Variants in TTLL8 observed in about 807,000 individuals in gnomAD.
The protein encoded by TTLL8 is protein monoglycylase TTLL8.
Under a neutral mutation model 77.8 loss-of-function variants are expected in TTLL8, and 65 were observed. The ratio of observed to expected loss-of-function variants is 0.84; its 90% confidence interval spans 0.68 to 1.03. The LOEUF is 1.03. Among genes scored for constraint, TTLL8 ranks in the 50% least tolerant of loss-of-function variants. The probability of loss-of-function intolerance (pLI) is 0.00; values close to 1 mark genes in which losing one functional copy is unlikely to be tolerated. For synonymous variants in TTLL8, 402 were observed against 422.8 expected, an observed-to-expected ratio of 0.95 and a Z score of 0.60; for missense variants, 910 against 1,004.5, an observed-to-expected ratio of 0.91 and a Z score of 1.27.
At chr22:50,036,906 G>T (rs541781502) in intron 8 of TTLL8, among the ~76,000 whole-genome samples, 1 of 151,748 alleles carries the variant, frequency 6.6e-6, no homozygotes, top group Non-Finnish European at 1.5e-5. Context: ...CCAGTGTCTG[G>T]CTTCCTTCGA....
intron 1 of TTLL8, among the ~76,000 whole-genome samples, chr22:50,053,504 C>T (rs1048015505): frequency 9.2e-5 from 14 of 152,108 alleles, no homozygotes; most frequent in African/African-American, 3.4e-4. Context: ...GCAGCTAATG[C>T]GGTACCCAGA....
chr22:50,032,244 T>C, intron 10 of TTLL8, 135 bp from the exon 12 acceptor site: 2 of 911,582 alleles, frequency 2.2e-6, no homozygotes, highest in Non-Finnish European at 1.5e-6. Flanking sequence ...AACCCTCTGC[T>C]GGAGGGGCCC....
intron 12 of TTLL8, among the ~76,000 whole-genome samples, chr22:50,029,397 A>G (rs9617054): frequency 0.22 from 9,975 of 45,588 alleles, 994 homozygotes; most frequent in South Asian, 0.52. Context: ...CCATCACACC[A>G]TCCTGAAGAC....
intron 3 of TTLL8, among the ~76,000 whole-genome samples, chr22:50,048,071 T>C (rs1182657230): frequency 1.3e-5 from 2 of 151,846 alleles, no homozygotes; most frequent in Non-Finnish European, 2.9e-5. Context: ...TACCCCAGCC[T>C]GGGCAACAGA....
Position 50,043,238 on chromosome 22 carries a change from G to A in TTLL8, c.644-1431C>T, listed in dbSNP as rs1042194795. ...GTGCCGACATGTCCTTCAGTAGATG[G>A]ATAGATAGATAAACAGTGGTGCCGA... is the stretch of plus-strand genomic sequence containing the variant. On this transcript the variant is annotated intron_variant, in intron 6 of 13. Coordinates refer to ENST00000266182, the Ensembl canonical transcript of TTLL8. 4.3e-4 allele frequency among the ~76,000 whole-genome samples: 65 copies of A among 150,284 alleles called. 1 individual carries two copies. Among genetic ancestry groups the A allele is most frequent in the African/African-American group, 1.5e-3 (63 of 40,718 alleles).
At chr22:50,055,607 A>G (rs1157633396), upstream of TTLL8, among the ~76,000 whole-genome samples, 1 of 151,644 alleles carries the variant, frequency 6.6e-6, no homozygotes, top group African/African-American at 2.4e-5. Flanking sequence ...GTGAGCCGAG[A>G]TCGCGCCATT....
chr22:50,049,534 C>T (rs574257552), intron 2 of TTLL8, among the ~76,000 whole-genome samples: 2 of 152,300 alleles, frequency 1.3e-5, no homozygotes, highest in African/African-American at 4.8e-5. Flanking sequence ...TGAGCGTCCA[C>T]CGCACAGCAC....
chr22:50,031,599 G>A, intron 11 of TTLL8, 87 bp downstream of exon 12: 1 of 1,198,020 alleles, frequency 8.3e-7, no homozygotes, highest in South Asian at 1.5e-5. Flanking sequence ...CTGGCGGCCT[G>A]CAGCTCCACC....
chr22:50,044,911 G>A lies in TTLL8; in HGVS notation c.643+344C>T, dbSNP rs2061398680. Among the ~76,000 whole-genome samples, 1 of 152,198 alleles carries A rather than the reference G, an allele frequency of 6.6e-6. No homozygotes were observed. Among genetic ancestry groups the A allele is most frequent in the Non-Finnish European group, 1.5e-5 (1 of 68,032 alleles). ...CTCTCCCACGGGGCCCCTTTGGGGA[G>A]ACTCAGGCTGCGGCATCGTGGTGGC... is the stretch of plus-strand genomic sequence containing the variant. On this transcript the variant is annotated intron_variant, in intron 6 of 13. Coordinates refer to ENST00000266182, the Ensembl canonical transcript of TTLL8. This position sits in a 1 kb window ranked among gnomAD's most constrained non-coding sequence, Gnocchi z 4.2.
intron 12 of TTLL8, among the ~76,000 whole-genome samples, chr22:50,026,152 G>A (rs1176664609): frequency 2.6e-5 from 4 of 152,164 alleles, no homozygotes; most frequent in African/African-American, 7.2e-5. Context: ...GGGACCAGGC[G>A]GGCTCTGGCA....
intron 1 of TTLL8, among the ~76,000 whole-genome samples, chr22:50,051,528 T>A (rs2061443649): frequency 6.6e-6 from 1 of 152,238 alleles, no homozygotes; most frequent in Non-Finnish European, 1.5e-5. Context: ...GTATCATGAC[T>A]TCTTATCATC....
chr22:50,033,591 C>T (rs56355237), intron 9 of TTLL8, 146 bp from the exon 11 acceptor site: 50 of 655,050 alleles, frequency 7.6e-5, no homozygotes, highest in Admixed American at 4.4e-4. Context: ...TTGGTGGGGG[C>T]GATGGGGGAG....
exon 12 of TTLL8, chr22:50,030,697 G>T: frequency 7.8e-7 from 1 of 1,290,160 alleles, no homozygotes; most frequent in Non-Finnish European, 1.0e-6. Context: ...GCCAGGGGGA[G>T]CCCCTTCTCT....
intron 12 of TTLL8, among the ~76,000 whole-genome samples, chr22:50,024,886 T>C (rs975642817): frequency 1.3e-5 from 2 of 152,206 alleles, no homozygotes; most frequent in African/African-American, 4.8e-5. Flanking sequence ...GTCTTCAGAT[T>C]ACAGGGGCTG....
upstream of TTLL8, chr22:50,055,212 C>G (rs1462938395): frequency 1.6e-6 from 2 of 1,285,548 alleles, no homozygotes; most frequent in Non-Finnish European, 2.0e-6. Context: ...CCCCTCCCCA[C>G]CGAGTCCCAA....
chr22:50,052,284 C>T (rs1362947665), intron 1 of TTLL8, among the ~76,000 whole-genome samples: 2 of 152,182 alleles, frequency 1.3e-5, no homozygotes, highest in Non-Finnish European at 2.9e-5. Context: ...CACTCTGCCA[C>T]CCCCAACACC....
intron 12 of TTLL8, among the ~76,000 whole-genome samples, chr22:50,025,111 G>A (rs981986914): frequency 1.3e-5 from 2 of 152,084 alleles, no homozygotes; most frequent in African/African-American, 4.8e-5. Flanking sequence ...AAAGCTTGTC[G>A]AAGGAATCAC....
intron 1 of TTLL8, among the ~76,000 whole-genome samples, chr22:50,053,430 T>C (rs1465222830): frequency 1.3e-5 from 2 of 152,122 alleles, no homozygotes; most frequent in Non-Finnish European, 2.9e-5. Context: ...TTAAGTAACA[T>C]GAACTGTAAA....
At chr22:50,056,158 C>G (rs889864997), upstream of TTLL8, among the ~76,000 whole-genome samples, 2 of 152,148 alleles carry the variant, frequency 1.3e-5, no homozygotes, top group Non-Finnish European at 2.9e-5. This position sits in a 1 kb window ranked among gnomAD's most constrained non-coding sequence, Gnocchi z 4.1. Context: ...ACTGACAAGG[C>G]CACATCCATC....
Sources: gnomAD v4.1 joint callset for allele counts (sites outside exome capture counted in the v4.1 genomes callset) on GRCh38, gnomAD v4.1.1 for gene constraint, Gnocchi (gnomAD v3.1) non-coding constraint, MANE v1.5 for transcripts, NCBI Gene and HGNC (gene_info 2026-07-23, HGNC 2026-07-21) for gene names.